Variants in PAPPA2 observed in about 807,000 individuals in gnomAD.
PAPPA2 encodes the protein pappalysin 2.
Under a neutral mutation model 176.4 loss-of-function variants are expected in PAPPA2, and 86 were observed. That is an observed-to-expected ratio of 0.49 (90% confidence interval 0.41 to 0.58). PAPPA2 has a LOEUF of 0.58. Ranked by LOEUF, PAPPA2 falls within the 20% of genes least tolerant of loss-of-function variation. The pLI, the probability that PAPPA2 is intolerant of heterozygous loss-of-function variation, is 0.00. For missense variants in PAPPA2, 2,073 were observed against 2,256.9 expected, an observed-to-expected ratio of 0.92 and a Z score of 1.65; for synonymous variants, 809 against 852.2, an observed-to-expected ratio of 0.95 and a Z score of 0.88.
At chr1:176,771,364 T>A (rs771071290) in intron 17 of PAPPA2, among the ~76,000 whole-genome samples, 184 bp downstream of exon 17, 5 of 152,246 alleles carry the variant, frequency 3.3e-5, no homozygotes, top group Non-Finnish European at 7.3e-5. Flanking sequence ...ACTTGCATAC[T>A]TTTTAAAATA....
chr1:176,667,637 C>T (rs145277769), intron 3 of PAPPA2, among the ~76,000 whole-genome samples: 5 of 152,208 alleles, frequency 3.3e-5, no homozygotes, highest in Admixed American at 6.5e-5. Context: ...AGTCAGGCTC[C>T]TCCTCTGGAG....
chr1:176,649,889 G>T (rs1238522457), intron 3 of PAPPA2, among the ~76,000 whole-genome samples: 1 of 151,556 alleles, frequency 6.6e-6, no homozygotes, highest in African/African-American at 2.4e-5. Flanking sequence ...TGGGTAAAAT[G>T]ATCTGTAAAT....
intron 1 of PAPPA2, 51 bp from the exon 2 acceptor site, chr1:176,555,356 G>C (rs1004703277): frequency 1.3e-5 from 2 of 152,234 alleles, no homozygotes; most frequent in African/African-American, 4.8e-5. Context: ...GGAGAGAACA[G>C]GTCCCCTGAA....
rs764303760 is a variant in PAPPA2, at chr1:176,595,592, A to G, written c.1988A>G (p.Lys663Arg). The G allele has an allele frequency of 1.2e-6, 2 of 1,608,836 alleles. No homozygotes were observed. The highest frequency in any genetic ancestry group is 1.1e-5 in the South Asian group (1 of 90,722). The change falls in exon 3 of 23, where the codon AAG becomes AGG. Residue 663 changes from lysine (K) to arginine (R), a missense_variant. Around this residue, in one of 4 missense-constraint regions of PAPPA2, gnomAD observed 1,196 missense variants for 1,330.4 expected, o/e 0.90. Coordinates refer to ENST00000367662, the MANE Select transcript of PAPPA2 (RefSeq NM_020318.3). The stretch of plus-strand genomic sequence containing the variant: ...ACCTGCTTTGACCCTGACTCACCCA[A>G]GAGGTAAGGGACTGGGATTTGGGGT... ...RKTCFDPDSP[K>R]RAYMSVKELK...
chr1:176,526,120 C>T (rs981152000), intron 1 of PAPPA2, among the ~76,000 whole-genome samples: 1 of 152,182 alleles, frequency 6.6e-6, no homozygotes, highest in Admixed American at 6.5e-5. Flanking sequence ...ATGGATTCCT[C>T]TACTCCTTGC....
chr1:176,590,569 G>A (rs1653596197), intron 2 of PAPPA2, among the ~76,000 whole-genome samples: 1 of 152,052 alleles, frequency 6.6e-6, no homozygotes, highest in Admixed American at 6.6e-5. Flanking sequence ...GCTGAACACT[G>A]TGCTAAGATA....
At chr1:176,528,649 A>G (rs983738208) in intron 1 of PAPPA2, among the ~76,000 whole-genome samples, 2 of 152,160 alleles carry the variant, frequency 1.3e-5, no homozygotes, top group South Asian at 4.1e-4. Flanking sequence ...GATTGATTTG[A>G]TTTACATACG....
chr1:176,723,500 A>G (rs1661722504), intron 12 of PAPPA2, among the ~76,000 whole-genome samples: 1 of 151,976 alleles, frequency 6.6e-6, no homozygotes, highest in East Asian at 1.9e-4. Flanking sequence ...TAAACCTTTC[A>G]GAGAAATATA....
At chr1:176,691,840 T>C (rs963166935) in intron 5 of PAPPA2, among the ~76,000 whole-genome samples, 2 of 152,220 alleles carry the variant, frequency 1.3e-5, no homozygotes, top group Admixed American at 1.3e-4. Flanking sequence ...TGTGGTTTGC[T>C]GAATAAGCAA....
At chr1:176,623,799 C>CTTTCT (rs1203625049) in intron 3 of PAPPA2, among the ~76,000 whole-genome samples, 1 of 108,990 alleles carries the variant, frequency 9.2e-6, no homozygotes, top group Non-Finnish European at 1.9e-5. Context: ...TTCTTTCTTT[C>CTTTCT]TTTCTTTCTT....
intron 3 of PAPPA2, among the ~76,000 whole-genome samples, chr1:176,608,310 T>G (rs1654724456): frequency 6.6e-6 from 1 of 152,242 alleles, no homozygotes; most frequent in Admixed American, 6.5e-5. Flanking sequence ...TGTGAGTCCA[T>G]GTTCCTTAAA....
chr1:176,740,179 G>A lies in PAPPA2; in HGVS notation c.4134G>A (p.Gln1378=), dbSNP rs1392226897. The A allele has an allele frequency of 6.2e-7, 1 of 1,613,678 alleles. No homozygotes were observed. Residue 1378 remains glutamine (Q), a synonymous_variant, in exon 14 of 23, where the codon CAG becomes CAA. Coordinates refer to ENST00000367662, the MANE Select transcript of PAPPA2 (RefSeq NM_020318.3). ...PSNCISEDEG[Q]NHQGQSCIHR... is the part of the protein sequence containing the mutation. Reference sequence around the variant, plus strand: ...ACTGCATCTCAGAGGACGAGGGGCAGAATCATCAGGGACAGAGGTACAAAC... The same window carrying A: ...ACTGCATCTCAGAGGACGAGGGGCAAAATCATCAGGGACAGAGGTACAAAC...
chr1:176,630,513 A>G (rs1656279110), intron 3 of PAPPA2, among the ~76,000 whole-genome samples: 1 of 152,190 alleles, frequency 6.6e-6, no homozygotes, highest in Non-Finnish European at 1.5e-5. Context: ...GATTGTTTAA[A>G]CAGATGATGT....
At chr1:176,759,851 C>T (rs913459410) in intron 14 of PAPPA2, among the ~76,000 whole-genome samples, 2 of 152,302 alleles carry the variant, frequency 1.3e-5, no homozygotes, top group African/African-American at 4.8e-5. Flanking sequence ...CCTCACTAAC[C>T]ATTGAAAGAT....
intron 1 of PAPPA2, among the ~76,000 whole-genome samples, chr1:176,501,947 GA>G (rs1339995124): frequency 6.6e-6 from 1 of 152,114 alleles, no homozygotes; most frequent in Non-Finnish European, 1.5e-5. Flanking sequence ...TAGTTGCTAA[GA>G]AAAGACAATC....
intron 3 of PAPPA2, among the ~76,000 whole-genome samples, chr1:176,645,537 C>T (rs1363840245): frequency 1.3e-5 from 2 of 151,682 alleles, no homozygotes; most frequent in Non-Finnish European, 2.9e-5. Context: ...ATTGTAAATA[C>T]TGCTGCAGTA....
At chr1:176,680,498 C>T (rs1573241872) in intron 4 of PAPPA2, among the ~76,000 whole-genome samples, 1 of 152,154 alleles carries the variant, frequency 6.6e-6, no homozygotes, top group Non-Finnish European at 1.5e-5. Context: ...AGATATTATA[C>T]ATTCACATGT....
chr1:176,468,627 C>T (rs1050075615), intron 1 of PAPPA2, among the ~76,000 whole-genome samples: 1 of 152,094 alleles, frequency 6.6e-6, no homozygotes, highest in Admixed American at 6.6e-5. Context: ...TGCACAGGGC[C>T]CTCTCTGTGT....
chr1:176,619,667 T>G (rs1655474822), intron 3 of PAPPA2, among the ~76,000 whole-genome samples: 1 of 152,208 alleles, frequency 6.6e-6, no homozygotes, highest in South Asian at 2.1e-4. Flanking sequence ...AATAATAAAA[T>G]TAAATTGAAT....
Sources: gnomAD v4.1 joint callset for allele counts (sites outside exome capture counted in the v4.1 genomes callset) on GRCh38, gnomAD v4.1.1 for gene constraint, gnomAD v4.1.1 regional missense constraint, MANE v1.5 for transcripts, NCBI Gene and HGNC (gene_info 2026-07-23, HGNC 2026-07-21) for gene names.